ZBP1: variants seen among roughly 807,000 people sequenced by gnomAD.
ZBP1 encodes the protein Z-DNA-binding protein 1.
Under a neutral mutation model 41.1 loss-of-function variants are expected in ZBP1, and 42 were observed. The observed-to-expected ratio is 1.02, with a 90% CI of 0.80 to 1.32. ZBP1 has a LOEUF of 1.32. Among genes scored for constraint, ZBP1 ranks in the 40% most tolerant of loss-of-function variants. ZBP1 has a pLI of 0.00. For synonymous variants in ZBP1, 214 were observed against 205.2 expected (o/e 1.04, Z -0.37); for missense variants, 562 against 549.7 (o/e 1.02, Z -0.22).
At chr20:57,612,885 C>T (rs2070710878) in intron 5 of ZBP1, 3 of 1,319,786 alleles carry the variant, frequency 2.3e-6, no homozygotes, top group Middle Eastern at 5.7e-4. Flanking sequence ...ACAGAGATAC[C>T]CCATCTTAAT....
chr20:57,619,368 C>G (rs1202424813), intron 1 of ZBP1, among the ~76,000 whole-genome samples: 1 of 152,214 alleles, frequency 6.6e-6, no homozygotes, highest in Non-Finnish European at 1.5e-5. Flanking sequence ...ACAGTAATAA[C>G]TACTTCAAAG....
At chr20:57,614,825 A>G (rs2146586223) in intron 4 of ZBP1, 62 bp downstream of exon 4, 1 of 1,594,824 alleles carries the variant, frequency 6.3e-7, no homozygotes, top group East Asian at 2.2e-5. Context: ...CACCCAGCAA[A>G]GACCAAGCAC....
chr20:57,607,430 G>T, intron 7 of ZBP1: 1 of 1,155,364 alleles, frequency 8.7e-7, no homozygotes, highest in Non-Finnish European at 1.1e-6. Flanking sequence ...CAAAGAAAGT[G>T]GTTTCTTGAG....
chr20:57,611,429 T>TTTTTTTG (rs2070666686), intron 6 of ZBP1, among the ~76,000 whole-genome samples: 1 of 147,176 alleles, frequency 6.8e-6, no homozygotes, highest in South Asian at 2.2e-4. Flanking sequence ...TTTTTTTTTT[T>TTTTTTTG]TTGTATTTTT....
At chr20:57,619,784 T>C (rs2070950411) in intron 1 of ZBP1, among the ~76,000 whole-genome samples, 1 of 151,772 alleles carries the variant, frequency 6.6e-6, no homozygotes, top group Non-Finnish European at 1.5e-5. Context: ...TGTTTCGAGG[T>C]GCCTGGGGCA....
rs1333827016 is a variant in ZBP1, at chr20:57,616,322, T to C, written c.181A>G (p.Thr61Ala). 1 of 1,614,052 alleles carries C rather than the reference T, an allele frequency of 6.2e-7. No homozygotes were observed. Among genetic ancestry groups the C allele is most frequent in the Non-Finnish European group, 8.5e-7 (1 of 1,180,038 alleles). The change falls in exon 2 of 8, where the codon ACA becomes GCA. Residue 61 changes from threonine (T) to alanine (A), a missense_variant. By Grantham distance (58) the Thr-to-Ala change is moderately conservative. Coordinates refer to ENST00000371173, the MANE Select transcript of ZBP1 (RefSeq NM_030776.3). ...CCCAAGCACCAGGTGGCAGGGGATG[T>C]GAGGGAGACTTTCAACTCCTTTTTC... Reference protein sequence around the residue: ...RMKKELKVSLTSPATWCLGGT... With the variant: ...RMKKELKVSLASPATWCLGGT...
intron 7 of ZBP1, among the ~76,000 whole-genome samples, chr20:57,606,127 G>A (rs2070490409): frequency 6.6e-6 from 1 of 152,232 alleles, no homozygotes; most frequent in Non-Finnish European, 1.5e-5. Flanking sequence ...AAAGGAAAGG[G>A]TCTTGAAGGA....
Position 57,610,260 on chromosome 20 carries a change from A to C in ZBP1, c.982T>G (p.Phe328Val). Residue 328 changes from phenylalanine to valine, a missense_variant, in exon 7 of 8, where the codon TTT becomes GTT. Coordinates refer to ENST00000371173, the MANE Select transcript of ZBP1 (RefSeq NM_030776.3). This position sits in a 1 kb window ranked among gnomAD's most constrained non-coding sequence, Gnocchi z 5.5. ...TTGCCGATGGTGGCGTCCTCGAGAA[A>C]GCACGATTTCATGTGGATTCTCTGG... ...AAQRIHMKSC[F>V]LEDATIGNSN... The C allele has an allele frequency of 6.2e-7, 1 of 1,614,096 alleles. No individual in the cohort carries two copies. Among genetic ancestry groups the C allele is most frequent in the Non-Finnish European group, 8.5e-7 (1 of 1,180,004 alleles).
Position 57,615,060 on chromosome 20 carries a change from T to C in ZBP1, c.329A>G (p.Glu110Gly), listed in dbSNP as rs754020907. 1.1e-4 allele frequency: 178 copies of C among 1,614,036 alleles called. 1 individual carries two copies. The Admixed American group carries it at 2.9e-3, about 26-fold the overall frequency. Residue 110 changes from glutamate to glycine, a missense_variant and splice_region_variant, in exon 4 of 8, where the codon GAG (glutamate) becomes GGG (glycine). By Grantham distance (98) the Glu-to-Gly change is moderately conservative. Coordinates refer to ENST00000371173, the MANE Select transcript of ZBP1 (RefSeq NM_030776.3). Reference sequence around the variant, plus strand: ...TTTGAGAAACCTGTAGATGTCTTCCTCTGGGAGGCAGGATGGCCAGGTGGT... The same window carrying C: ...TTTGAGAAACCTGTAGATGTCTTCCCCTGGGAGGCAGGATGGCCAGGTGGT... ...TPGPQFSQQR[E>G]EDIYRFLKDN... is the part of the protein sequence containing the mutation.
At position 57,616,356 on chromosome 20, in the gene ZBP1, G is replaced by T. The variant is rs1400225841; in HGVS notation, c.147C>A (p.Leu49=). ...CTTTCAACTCCTTTTTCATTCGGTA[G>T]AGGACTTGGTTGAGCTCCCTCTTGG... ...QAPKRELNQV[L]YRMKKELKVS... Residue 49 remains leucine, a synonymous_variant, in exon 2 of 8, where the codon CTC becomes CTA. Coordinates refer to ENST00000371173, the MANE Select transcript of ZBP1 (RefSeq NM_030776.3). 8 of 1,614,230 alleles carry T rather than the reference G, an allele frequency of 5.0e-6. No homozygotes were observed. Among genetic ancestry groups the T allele is most frequent in the Non-Finnish European group, 5.9e-6 (7 of 1,180,044 alleles).
rs1305091465 is a variant in ZBP1 at position 57,616,397 on chromosome 20, T to C, written c.106A>G (p.Lys36Glu). 6.2e-7 allele frequency: 1 copy of C among 1,613,982 alleles called. No homozygotes were observed. Among genetic ancestry groups the C allele is most frequent in the African/African-American group, 1.3e-5 (1 of 74,910 alleles). Reference sequence around the variant, plus strand: ...TCCCTCTTGGGTGCTTGGCATTCCTTCACCAGCTGGGCAAGTTTCACCGGG... The same window carrying C: ...TCCCTCTTGGGTGCTTGGCATTCCTCCACCAGCTGGGCAAGTTTCACCGGG... The part of the protein sequence containing the change: ...GSPVKLAQLV[K>E]ECQAPKRELN... Residue 36 changes from lysine to glutamate, a missense_variant, in exon 2 of 8, where the codon AAG becomes GAG. Transcript: ENST00000371173.
intron 1 of ZBP1, among the ~76,000 whole-genome samples, chr20:57,618,631 G>A (rs1386789819): frequency 4.6e-5 from 7 of 152,266 alleles, no homozygotes; most frequent in South Asian, 2.1e-4. Context: ...CCTGGTCTGC[G>A]GCTGCAGTGG....
intron 7 of ZBP1, among the ~76,000 whole-genome samples, chr20:57,607,755 C>A (rs974596185): frequency 6.6e-6 from 1 of 152,192 alleles, no homozygotes; most frequent in East Asian, 1.9e-4. Flanking sequence ...CAAGGCAAGA[C>A]CTCCACCAGC....
At chr20:57,607,387 G>A (rs989760266) in intron 7 of ZBP1, 17 of 1,209,530 alleles carry the variant, frequency 1.4e-5, no homozygotes, top group Non-Finnish European at 1.8e-5. Context: ...TCATGAGAAA[G>A]CTTGAACAGA....
At chr20:57,614,189 C>T (rs1363631913) in intron 4 of ZBP1, among the ~76,000 whole-genome samples, 1 of 151,982 alleles carries the variant, frequency 6.6e-6, no homozygotes, top group African/African-American at 2.4e-5. Context: ...CGCCCACCAC[C>T]ACACCTGGCT....
In ZBP1 at chr20:57,613,068, TC is replaced by T; in HGVS notation, c.670+94del. On this transcript the variant is annotated intron_variant, in intron 5 of 7. Transcript: ENST00000371173. The surrounding 1 kb of genome is among the most constrained non-coding windows in gnomAD (Gnocchi z 4.5). ...AACCCTTTCCCCTTGGAGGGCAGAA[TC>T]CCCCCACTCCCCATCCCTACCCTTT... is the stretch of plus-strand genomic sequence containing the variant. 1.9e-6 allele frequency: 3 copies of T among 1,560,826 alleles called. No individual in the cohort carries two copies. The highest frequency in any genetic ancestry group is 8.7e-7 in the Non-Finnish European group (1 of 1,152,172).
At chr20:57,616,762 T>G in intron 1 of ZBP1, 1 of 446,354 alleles carries the variant, frequency 2.2e-6, no homozygotes. Context: ...GGCAGTGGGG[T>G]TCCTCAGCTC....
intron 7 of ZBP1, chr20:57,607,045 T>G: frequency 7.7e-7 from 1 of 1,295,762 alleles, no homozygotes; most frequent in Non-Finnish European, 1.0e-6. Context: ...AAGGAGTAAC[T>G]TCAACATTCA....
In ZBP1 at chr20:57,610,943, C is replaced by A. The variant is rs1451174147; in HGVS notation, c.875-576G>T. Among the ~76,000 whole-genome samples the A allele has an allele frequency of 6.6e-6, 1 of 152,200 alleles. No individual in the cohort carries two copies. The highest frequency in any genetic ancestry group is 6.5e-5 in the Admixed American group (1 of 15,286). ...CACCAGCCTGGCCCCTCTCTGGAGA[C>A]TCCTTTCCCGGGGCCTCTGCTTTCC... On this transcript the variant is annotated intron_variant, in intron 6 of 7. Transcript: ENST00000371173. The surrounding 1 kb of genome is among the most constrained non-coding windows in gnomAD (Gnocchi z 5.5).
Sources: gnomAD v4.1 joint callset for allele counts (sites outside exome capture counted in the v4.1 genomes callset) on GRCh38, gnomAD v4.1.1 for gene constraint, Gnocchi (gnomAD v3.1) non-coding constraint, MANE v1.5 for transcripts, NCBI Gene and HGNC (gene_info 2026-07-23, HGNC 2026-07-21) for gene names.